SLC12A5: variants seen among roughly 807,000 people sequenced by gnomAD.
The protein encoded by SLC12A5 is solute carrier family 12 member 5.
Under a neutral mutation model 124.0 loss-of-function variants are expected in SLC12A5, and 18 were observed. That is an observed-to-expected ratio of 0.15 (90% confidence interval 0.10 to 0.22). The LOEUF (loss-of-function observed/expected upper bound fraction) is 0.22. Among genes scored for constraint, SLC12A5 ranks in the 10% least tolerant of loss-of-function variants. The probability of loss-of-function intolerance (pLI) is 1.00; values close to 1 mark genes in which losing one functional copy is unlikely to be tolerated. For missense variants in SLC12A5, 867 were observed against 1,478.7 expected (o/e 0.59, Z 6.78); for synonymous variants, 589 against 568.0 (o/e 1.04, Z -0.53).
Position 46,056,193 on chromosome 20 carries a change from A to C in SLC12A5, c.2831A>C (p.Lys944Thr), listed in dbSNP as rs753504476. Residue 944 changes from lysine to threonine, a missense_variant, in exon 22 of 26, where the codon AAG becomes ACG. Lys to Thr is a moderately conservative substitution (Grantham distance 78). Transcript: ENST00000243964. The surrounding 1 kb of genome is among the most constrained non-coding windows in gnomAD (Gnocchi z 4.3). The part of the protein sequence containing the change: ...TDESRGSIRR[K>T]NPANTRLRLN... Reference sequence around the variant, plus strand: ...GAGTCACGAGGCTCAATCCGGAGAAAGAATCCAGCCAACACGCGGCTCCGC... The same window carrying C: ...GAGTCACGAGGCTCAATCCGGAGAACGAATCCAGCCAACACGCGGCTCCGC... The C allele has an allele frequency of 1.2e-6, 2 of 1,614,066 alleles. No homozygotes were observed. Among genetic ancestry groups the C allele is most frequent in the Admixed American group, 3.3e-5 (2 of 59,990 alleles).
At position 46,022,951 on chromosome 20, in the gene SLC12A5, GA is replaced by G; in HGVS notation, c.71del (p.Gly25GlufsTer53). 1 of 389,994 alleles carries G rather than the reference GA, an allele frequency of 2.6e-6. No homozygotes were observed. Among genetic ancestry groups the G allele is most frequent in the Non-Finnish European group, 4.4e-6 (1 of 228,100 alleles). The allele number at this position is 389,994 out of a possible 1,614,324, so 24.2% of individuals were successfully genotyped here. A position where few individuals can be genotyped will look rare whatever the true frequency, so the allele number is the denominator to read the frequency against. ...GTAGTGGCCCCAGCGAGGGGAGGAG[GA>G]GGAGGAGGAGGAGGAGGAGGAGGAA... On this transcript the variant is annotated frameshift_variant, in exon 2 of 3. Transcript: ENST00000413737. LOFTEE classifies it high-confidence loss of function.
In SLC12A5 at chr20:46,047,965, A is replaced by T; in HGVS notation, c.1908-16A>T. 6.3e-7 allele frequency: 1 copy of T among 1,596,948 alleles called. No homozygotes were observed. Among genetic ancestry groups the T allele is most frequent in the Non-Finnish European group, 8.5e-7 (1 of 1,171,300 alleles). ...CTGGCTTTCTGCTCTCATGTGATCC[A>T]CTTCCCGGCTCCCAGGGCAGAGAAG... On this transcript the variant is annotated splice_polypyrimidine_tract_variant and intron_variant, in intron 15 of 25. Coordinates refer to ENST00000243964, the MANE Select transcript of SLC12A5 (RefSeq NM_020708.5).
chr20:46,056,358 C>T lies in SLC12A5; in HGVS notation c.2911-7C>T. On this transcript the variant is annotated splice_region_variant and splice_polypyrimidine_tract_variant and intron_variant, in intron 22 of 25. Coordinates refer to ENST00000243964, the MANE Select transcript of SLC12A5 (RefSeq NM_020708.5). This position sits in a 1 kb window ranked among gnomAD's most constrained non-coding sequence, Gnocchi z 4.3. ...ACTCAACTGCCATCGCTTCATTCAT[C>T]CCTCAGGTGCAGCTGATCCACGATC... 6.2e-7 allele frequency: 1 copy of T among 1,608,780 alleles called. No homozygotes were observed. The highest frequency in any genetic ancestry group is 8.5e-7 in the Non-Finnish European group (1 of 1,176,960).
chr20:46,042,886 G>C (rs1438179821), intron 8 of SLC12A5, among the ~76,000 whole-genome samples: 2 of 152,152 alleles, frequency 1.3e-5, no homozygotes, highest in Non-Finnish European at 2.9e-5. Context: ...CTCAATCTGA[G>C]ATGGGTCTTT....
At chr20:46,021,771 C>T, upstream of SLC12A5, 1 of 1,533,858 alleles carries the variant, frequency 6.5e-7, no homozygotes, top group Non-Finnish European at 8.7e-7. Flanking sequence ...GCGCCATGAG[C>T]CGCAGGTTCA....
chr20:46,043,916 G>A lies in SLC12A5; in HGVS notation c.1377G>A (p.Gly459=). The A allele has an allele frequency of 6.2e-7, 1 of 1,608,180 alleles. No homozygotes were observed. The highest frequency in any genetic ancestry group is 1.1e-5 in the South Asian group (1 of 90,036). The change falls in exon 11 of 26, where the codon GGG becomes GGA. Residue 459 remains glycine, a synonymous_variant. Coordinates refer to ENST00000243964, the MANE Select transcript of SLC12A5 (RefSeq NM_020708.5). ...SVVLFGACIE[G]VVLRDKFGEA... Reference sequence around the variant, plus strand: ...TTCTGTTTGGGGCCTGCATTGAGGGGGTCGTCCTGCGGGACAAGTAAGATA... The same window carrying A: ...TTCTGTTTGGGGCCTGCATTGAGGGAGTCGTCCTGCGGGACAAGTAAGATA...
chr20:46,043,712 C>G lies in SLC12A5; in HGVS notation c.1317C>G (p.Ile439Met). ...TCCCCACTGGCACCATCCTGGCCATCGCCACCACCTCTGCTGTCTGTATCC... is the reference window on the plus strand; with the variant it reads ...TCCCCACTGGCACCATCCTGGCCATGGCCACCACCTCTGCTGTCTGTATCC... Reference protein sequence around the residue: ...KSIPTGTILAIATTSAVYISS... With the variant: ...KSIPTGTILAMATTSAVYISS... The change falls in exon 10 of 26, where the codon ATC becomes ATG. Residue 439 changes from isoleucine to methionine, a missense_variant. Transcript: ENST00000243964. 1 of 1,614,210 alleles carries G rather than the reference C, an allele frequency of 6.2e-7. No homozygotes were observed. Among genetic ancestry groups the G allele is most frequent in the Non-Finnish European group, 8.5e-7 (1 of 1,180,040 alleles).
chr20:46,049,013 C>T (rs1374127464), intron 16 of SLC12A5, among the ~76,000 whole-genome samples: 3 of 152,138 alleles, frequency 2.0e-5, no homozygotes, highest in African/African-American at 7.2e-5. Context: ...TTTCACCTTG[C>T]CAAGAGTAGA....
At position 46,041,405 on chromosome 20, in the gene SLC12A5, G is replaced by A; in HGVS notation, c.931G>A (p.Glu311Lys). 1.9e-6 allele frequency: 3 copies of A among 1,614,192 alleles called. No individual in the cohort carries two copies. The highest frequency in any genetic ancestry group is 2.5e-6 in the Non-Finnish European group (3 of 1,180,030). Residue 311 changes from glutamate (E) to lysine (K), a missense_variant, in exon 8 of 26, where the codon GAG (glutamate) becomes AAG (lysine). Around this residue, in one of 9 missense-constraint regions of SLC12A5, gnomAD observed 127 missense variants for 164.1 expected, o/e 0.77. Transcript: ENST00000243964. ...VCAKLAWEGN[E>K]TVTTRLWGLF... is the part of the protein sequence containing the mutation. ...TGCCAAGCTGGCTTGGGAAGGAAATGAGACGGTGACCACACGGCTATGGGG... is the reference window on the plus strand; with the variant it reads ...TGCCAAGCTGGCTTGGGAAGGAAATAAGACGGTGACCACACGGCTATGGGG...
intron 6 of SLC12A5, among the ~76,000 whole-genome samples, chr20:46,038,747 C>G (rs1368811298): frequency 6.6e-6 from 1 of 152,214 alleles, no homozygotes; most frequent in Non-Finnish European, 1.5e-5. Flanking sequence ...CCCATTCTCT[C>G]TAAAAAATCA....
intron 14 of SLC12A5, 89 bp downstream of exon 14, chr20:46,046,525 T>C: frequency 8.6e-7 from 1 of 1,168,408 alleles, no homozygotes; most frequent in South Asian, 1.3e-5. Flanking sequence ...CCTCTGGGTC[T>C]AAGGACCCCA....
intron 1 of SLC12A5, among the ~76,000 whole-genome samples, chr20:46,022,360 A>G (rs1303041072): frequency 7.7e-6 from 1 of 130,114 alleles, no homozygotes; most frequent in African/African-American, 2.9e-5. Flanking sequence ...GGGTCAGGAA[A>G]GGGCGGGACT....
At chr20:46,025,475 C>T (rs2084389346), upstream of SLC12A5, among the ~76,000 whole-genome samples, 1 of 152,120 alleles carries the variant, frequency 6.6e-6, no homozygotes, top group Non-Finnish European at 1.5e-5. Flanking sequence ...CTCTCTCATC[C>T]CCCTCCTCTC....
chr20:46,021,814 A>G (rs923751890), upstream of SLC12A5: 11 of 1,534,428 alleles, frequency 7.2e-6, no homozygotes, highest in Non-Finnish European at 9.6e-6. Flanking sequence ...AGGGCCCGCC[A>G]GAAGCCCTGA....
chr20:46,046,883 T>C (rs550953025), intron 14 of SLC12A5, among the ~76,000 whole-genome samples: 1 of 152,358 alleles, frequency 6.6e-6, no homozygotes, highest in African/African-American at 2.4e-5. Context: ...CAGATGCTCA[T>C]TGCACAGAGG....
rs1310612023 is a variant in SLC12A5, at chr20:46,021,953, C to A, written c.48+67C>A. On this transcript the variant is annotated intron_variant, in intron 1 of 2. Transcript: ENST00000413737. ...ACGAGGGGGAGGGGCCGGGGCGGACCGTCTGTTGAAGGGGGCAGGGCCAAG... is the reference window on the plus strand; with the variant it reads ...ACGAGGGGGAGGGGCCGGGGCGGACAGTCTGTTGAAGGGGGCAGGGCCAAG... The A allele has an allele frequency of 9.2e-6, 13 of 1,413,926 alleles. No individual in the cohort carries two copies. In the East Asian group the frequency reaches 3.0e-4, roughly 33 times the overall value. 87.6% of individuals were successfully genotyped at this position (1,413,926 alleles called of 1,614,324 possible). A position where few individuals can be genotyped will look rare whatever the true frequency, so the allele number is the denominator to read the frequency against.
chr20:46,059,947 TTTAA>T lies in SLC12A5; in HGVS notation c.*2345_*2348del, dbSNP rs909960884. 25 of 262,954 alleles carry T rather than the reference TTTAA, an allele frequency of 9.5e-5. No individual in the cohort carries two copies. Among genetic ancestry groups the T allele is most frequent in the African/African-American group, 4.2e-4 (19 of 45,606 alleles). 16.3% of individuals were successfully genotyped at this position (262,954 alleles called of 1,614,324 possible). ...TACTGCTATTATTATTAGGCCTGCC[TTTAA>T]TTTTCAGTGTAAGTGTTCAGTATGC... On this transcript the variant is annotated 3_prime_UTR_variant, in exon 26 of 26. Transcript: ENST00000243964.
chr20:46,055,378 C>T (rs1034847307), intron 21 of SLC12A5, among the ~76,000 whole-genome samples: 1 of 152,050 alleles, frequency 6.6e-6, no homozygotes, highest in Admixed American at 6.6e-5. Context: ...TGTAGAAACC[C>T]TTAGAGAGTG....
chr20:46,022,120 G>A, intron 1 of SLC12A5: 1 of 475,906 alleles, frequency 2.1e-6, no homozygotes, highest in Non-Finnish European at 3.6e-6. Flanking sequence ...ACGAGGGAAA[G>A]GGGTGGGGCC....
Sources: allele counts gnomAD v4.1 joint callset (sites outside exome capture counted in the v4.1 genomes callset), GRCh38; gene constraint gnomAD v4.1.1; regional missense constraint gnomAD v4.1.1; non-coding constraint Gnocchi (gnomAD v3.1); transcripts MANE v1.5; gene names NCBI Gene and HGNC (gene_info 2026-07-23, HGNC 2026-07-21).